PBX3: variants seen among roughly 807,000 people sequenced by gnomAD.
The protein encoded by PBX3 is PBX homeobox 3, also known as pre-B-cell leukemia transcription factor 3.
PBX3 carries 14 observed loss-of-function variants against 48.5 expected under a neutral mutation model. The observed-to-expected ratio is 0.29, with a 90% CI of 0.19 to 0.45. The LOEUF (loss-of-function observed/expected upper bound fraction) is 0.45, where lower values mean the gene tolerates loss of function less well. Ranked by LOEUF, PBX3 falls within the 20% of genes least tolerant of loss-of-function variation. The pLI is 1.00. For synonymous variants in PBX3, 210 were observed against 200.3 expected, an observed-to-expected ratio of 1.05 and a Z score of -0.41; for missense variants, 386 against 546.7, an observed-to-expected ratio of 0.71 and a Z score of 2.93.
chr9:125,879,871 A>C (rs1840341722), intron 2 of PBX3, among the ~76,000 whole-genome samples: 1 of 152,190 alleles, frequency 6.6e-6, no homozygotes, highest in South Asian at 2.1e-4. Context: ...AATGATTATC[A>C]GTCTGAAAAT....
intron 2 of PBX3, among the ~76,000 whole-genome samples, chr9:125,876,280 T>G (rs1024316464): frequency 2.0e-5 from 3 of 152,234 alleles, no homozygotes; most frequent in East Asian, 1.9e-4. Flanking sequence ...AACAATATTA[T>G]TTTCTAGTTT....
chr9:125,935,073 C>G (rs1288270125), intron 4 of PBX3, among the ~76,000 whole-genome samples: 1 of 152,172 alleles, frequency 6.6e-6, no homozygotes, highest in Non-Finnish European at 1.5e-5. Context: ...CATTCCCTGT[C>G]TTTTACGGTG....
chr9:125,792,677 A>G (rs1385257150), intron 2 of PBX3, among the ~76,000 whole-genome samples: 1 of 151,114 alleles, frequency 6.6e-6, no homozygotes, highest in Non-Finnish European at 1.5e-5. Flanking sequence ...TTATTATTTA[A>G]ATAGCTTTAT....
chr9:125,753,746 G>A (rs1381489064), intron 2 of PBX3, among the ~76,000 whole-genome samples: 2 of 151,930 alleles, frequency 1.3e-5, no homozygotes, highest in Admixed American at 6.6e-5. Flanking sequence ...TAATACACTA[G>A]CAAAGGAGGC....
chr9:125,935,769 T>G (rs1346180090), intron 5 of PBX3, among the ~76,000 whole-genome samples, 162 bp downstream of exon 5: 1 of 152,208 alleles, frequency 6.6e-6, no homozygotes, highest in Non-Finnish European at 1.5e-5. Flanking sequence ...ATTTTAAACC[T>G]TAGATAATTT....
chr9:125,949,798 G>A (rs1364045262), intron 5 of PBX3, among the ~76,000 whole-genome samples: 2 of 152,188 alleles, frequency 1.3e-5, no homozygotes, highest in Non-Finnish European at 2.9e-5. Context: ...GCATGTTGAT[G>A]TTCTTATTTA....
intron 5 of PBX3, among the ~76,000 whole-genome samples, chr9:125,949,987 AAGAGGCTCTCCAT>A (rs138805733): frequency 0.038 from 5,737 of 152,274 alleles, 374 homozygotes; most frequent in African/African-American, 0.13. Flanking sequence ...AAATCTGTCA[AAGAGGCTCTCCAT>A]AGAGCCTAGG....
intron 5 of PBX3, among the ~76,000 whole-genome samples, chr9:125,953,065 A>G (rs1363877053): frequency 2.0e-5 from 3 of 152,064 alleles, no homozygotes; most frequent in Admixed American, 6.6e-5. Context: ...TATAATGAAT[A>G]TTTTCCCCTT....
chr9:125,879,622 T>C (rs1840336219), intron 2 of PBX3, among the ~76,000 whole-genome samples: 2 of 134,412 alleles, frequency 1.5e-5, no homozygotes, highest in South Asian at 4.7e-4. Context: ...TCACAAATTA[T>C]TAGAAGAATA....
intron 2 of PBX3, among the ~76,000 whole-genome samples, chr9:125,767,871 G>T (rs1174802423): frequency 3.9e-5 from 6 of 152,224 alleles, no homozygotes; most frequent in African/African-American, 1.2e-4. Flanking sequence ...TGAGGGGAAA[G>T]AATCAGAAAA....
chr9:125,897,795 A>G (rs961011520), intron 2 of PBX3, among the ~76,000 whole-genome samples: 3 of 151,914 alleles, frequency 2.0e-5, no homozygotes, highest in African/African-American at 7.2e-5. Flanking sequence ...TATCATTCTC[A>G]TAGCGTCCTG....
intron 2 of PBX3, among the ~76,000 whole-genome samples, chr9:125,819,677 TATATATCTTCAGTGTAC>T (rs1838590213): frequency 6.6e-6 from 1 of 152,188 alleles, no homozygotes; most frequent in Non-Finnish European, 1.5e-5. Flanking sequence ...TGAATAGATT[TATATATCTTCAGTGTAC>T]ATATATATCC....
chr9:125,961,999 A>G (rs1310577423), intron 6 of PBX3, 103 bp from the exon 7 acceptor site: 8 of 614,314 alleles, frequency 1.3e-5, no homozygotes, highest in Non-Finnish European at 2.4e-5. Flanking sequence ...TGTTGTGCAC[A>G]GCCTTTCCCT....
chr9:125,789,045 A>G (rs748757457), intron 2 of PBX3, among the ~76,000 whole-genome samples: 4 of 151,758 alleles, frequency 2.6e-5, no homozygotes, highest in Non-Finnish European at 5.9e-5. Context: ...TCTTTCTATG[A>G]TTTGCTTTCA....
chr9:125,838,186 G>A (rs1029310723), intron 2 of PBX3, among the ~76,000 whole-genome samples: 1 of 152,146 alleles, frequency 6.6e-6, no homozygotes, highest in African/African-American at 2.4e-5. Flanking sequence ...GTGTAGCTAG[G>A]ACTGCAGGTG....
intron 2 of PBX3, among the ~76,000 whole-genome samples, chr9:125,807,377 C>T (rs979376197): frequency 6.6e-6 from 1 of 151,758 alleles, no homozygotes; most frequent in South Asian, 2.1e-4. Flanking sequence ...AGTGGTACAA[C>T]GTAGAATAGG....
At position 125,849,559 on chromosome 9, in the gene PBX3, C is replaced by T. The variant is rs549650274; in HGVS notation, c.275-66127C>T. Among the ~76,000 whole-genome samples the T allele has an allele frequency of 9.2e-5, 14 of 152,030 alleles. No individual in the cohort carries two copies. The East Asian group carries it at 2.5e-3, about 27-fold the overall frequency. On this transcript the variant is annotated intron_variant, in intron 2 of 8. Coordinates refer to ENST00000373489, the MANE Select transcript of PBX3 (RefSeq NM_006195.6). Reference sequence around the variant, plus strand: ...CATGTTTCATTGATTCTAAGATGTTCATTCTTCCCTCCTCATTTTAGCATT... The same window carrying T: ...CATGTTTCATTGATTCTAAGATGTTTATTCTTCCCTCCTCATTTTAGCATT...
intron 5 of PBX3, among the ~76,000 whole-genome samples, chr9:125,956,306 G>T (rs1035918467): frequency 6.6e-6 from 1 of 152,202 alleles, no homozygotes; most frequent in Non-Finnish European, 1.5e-5. Flanking sequence ...TAACCATTAT[G>T]TGATACTTCC....
intron 2 of PBX3, among the ~76,000 whole-genome samples, chr9:125,842,243 A>C (rs1234890027): frequency 6.6e-6 from 1 of 152,136 alleles, no homozygotes; most frequent in African/African-American, 2.4e-5. Context: ...ACTGAAACTA[A>C]ACATCAGTTC....
Sources: allele counts gnomAD v4.1 joint callset (sites outside exome capture counted in the v4.1 genomes callset), GRCh38; gene constraint gnomAD v4.1.1; transcripts MANE v1.5; gene names NCBI Gene and HGNC (gene_info 2026-07-23, HGNC 2026-07-21).